Variants in ATP10A observed in about 807,000 individuals in gnomAD.
ATP10A encodes the protein ATPase phospholipid transporting 10A (putative).
ATP10A carries 111 observed loss-of-function variants against 147.8 expected under a neutral mutation model. That is an observed-to-expected ratio of 0.75 (90% CI 0.64 to 0.88). The LOEUF (loss-of-function observed/expected upper bound fraction) is 0.88, where lower values mean the gene tolerates loss of function less well. ATP10A is among the 40% of genes least tolerant of loss of function. ATP10A has a pLI of 0.00. For missense variants in ATP10A, 1,927 were observed against 1,959.0 expected (o/e 0.98, Z 0.31); for synonymous variants, 875 against 841.6 (o/e 1.04, Z -0.69).
At chr15:25,684,487 C>T (rs1235366281) in intron 16 of ATP10A, among the ~76,000 whole-genome samples, 1 of 152,160 alleles carries the variant, frequency 6.6e-6, no homozygotes, top group Non-Finnish European at 1.5e-5. Context: ...TATAGGTGAT[C>T]GCCTACGGTG....
chr15:25,735,131 T>A (rs1438112871), intron 3 of ATP10A, among the ~76,000 whole-genome samples: 1 of 152,074 alleles, frequency 6.6e-6, no homozygotes, highest in African/African-American at 2.4e-5. Flanking sequence ...AGGTGGCCCC[T>A]TGTGCTGCAG....
intron 2 of ATP10A, among the ~76,000 whole-genome samples, chr15:25,779,616 G>A (rs1209559120): frequency 2.0e-5 from 3 of 152,118 alleles, no homozygotes; most frequent in Non-Finnish European, 4.4e-5. Flanking sequence ...GCATCGGATG[G>A]GGCCCACACC....
At chr15:25,802,446 A>C (rs769836519) in intron 1 of ATP10A, among the ~76,000 whole-genome samples, 8 of 151,992 alleles carry the variant, frequency 5.3e-5, no homozygotes, top group Non-Finnish European at 1.2e-4. Flanking sequence ...AGGCCCATGA[A>C]CTCGCTTCCT....
intron 2 of ATP10A, among the ~76,000 whole-genome samples, chr15:25,774,624 C>T (rs953651932): frequency 2.6e-4 from 40 of 151,398 alleles, no homozygotes; most frequent in African/African-American, 9.0e-4. Flanking sequence ...GCTGCACTCT[C>T]TGTACATGGT....
chr15:25,862,891 T>C lies in ATP10A; in HGVS notation c.206A>G (p.Tyr69Cys). ...LADNRLKTTK[Y>C]TLLSFLPKNL... is the part of the protein sequence containing the mutation. Reference sequence around the variant, plus strand: ...CTTGGGCAGGAAGGACAGCAGCGTGTACTTGGTAGTCTTGAGCCGGTTGTC... The same window carrying C: ...CTTGGGCAGGAAGGACAGCAGCGTGCACTTGGTAGTCTTGAGCCGGTTGTC... The change falls in exon 1 of 21, where the codon TAC (tyrosine) becomes TGC (cysteine). Residue 69 changes from tyrosine to cysteine, a missense_variant. Tyr to Cys is a radical substitution (Grantham distance 194, BLOSUM62 -2). Coordinates refer to ENST00000555815, the MANE Select transcript of ATP10A (RefSeq NM_024490.4). 6.2e-7 allele frequency: 1 copy of C among 1,611,900 alleles called. No homozygotes were observed. Among genetic ancestry groups the C allele is most frequent in the Non-Finnish European group, 8.5e-7 (1 of 1,179,352 alleles).
At chr15:25,734,613 C>A (rs1352509732) in intron 3 of ATP10A, among the ~76,000 whole-genome samples, 1 of 152,128 alleles carries the variant, frequency 6.6e-6, no homozygotes, top group Non-Finnish European at 1.5e-5. Flanking sequence ...ACCAGAAAAG[C>A]CACAGCACAC....
At chr15:25,808,983 G>T (rs923714241) in intron 1 of ATP10A, among the ~76,000 whole-genome samples, 1 of 152,170 alleles carries the variant, frequency 6.6e-6, no homozygotes, top group East Asian at 1.9e-4. Context: ...GCGTGGCCAC[G>T]AGATGAAGGT....
At chr15:25,738,927 T>A (rs1486558163) in intron 2 of ATP10A, among the ~76,000 whole-genome samples, 2 of 152,232 alleles carry the variant, frequency 1.3e-5, no homozygotes, top group African/African-American at 2.4e-5. Context: ...AGTGACAGAC[T>A]GGAGCTTTCT....
intron 2 of ATP10A, among the ~76,000 whole-genome samples, chr15:25,747,301 A>G (rs886987723): frequency 4.6e-5 from 7 of 151,606 alleles, no homozygotes; most frequent in African/African-American, 9.7e-5. Context: ...AAAAAAAAAA[A>G]AAAAAGAAAA....
intron 2 of ATP10A, among the ~76,000 whole-genome samples, chr15:25,777,580 C>T (rs1416870064): frequency 6.6e-6 from 1 of 151,946 alleles, no homozygotes. Flanking sequence ...GGGGCAGTGG[C>T]TGTCCCTTCA....
At chr15:25,798,182 T>C (rs1596907428) in intron 1 of ATP10A, among the ~76,000 whole-genome samples, 2 of 152,140 alleles carry the variant, frequency 1.3e-5, no homozygotes, top group East Asian at 3.9e-4. Context: ...ATGAGAGCCC[T>C]GCCCTGGCAG....
chr15:25,786,626 T>C (rs1890173266), intron 1 of ATP10A, among the ~76,000 whole-genome samples: 1 of 115,302 alleles, frequency 8.7e-6, no homozygotes, highest in South Asian at 3.3e-4. Flanking sequence ...TCTTTTTTTT[T>C]TTTTTTTTTT....
chr15:25,718,141 G>A lies in ATP10A; in HGVS notation c.1581+41C>T, dbSNP rs770555887. On this transcript the variant is annotated intron_variant, in intron 8 of 20. Transcript: ENST00000555815. ...AGCGGGGGATGGTGAAAATGGGGAA[G>A]AGACGTGGCAGCACCCTAGCAGGAG... is the stretch of plus-strand genomic sequence containing the variant. 1.6e-5 allele frequency: 25 copies of A among 1,584,460 alleles called. 1 individual carries two copies. The Admixed American group carries it at 3.9e-4, about 25-fold the overall frequency.
At chr15:25,771,658 A>C (rs937275785) in intron 2 of ATP10A, among the ~76,000 whole-genome samples, 1 of 152,104 alleles carries the variant, frequency 6.6e-6, no homozygotes, top group Non-Finnish European at 1.5e-5. Context: ...TCTCACAGGA[A>C]AGTGACCATT....
At chr15:25,708,367 C>T (rs1443140477) in intron 10 of ATP10A, 67 bp from the exon 11 acceptor site, 13 of 1,376,250 alleles carry the variant, frequency 9.4e-6, no homozygotes, top group Admixed American at 3.4e-5. Context: ...TCAGACACTC[C>T]GAGATTTACC....
chr15:25,833,547 T>C (rs942316518), intron 1 of ATP10A, among the ~76,000 whole-genome samples: 1 of 152,110 alleles, frequency 6.6e-6, no homozygotes, highest in Non-Finnish European at 1.5e-5. Flanking sequence ...TGAAAAATTA[T>C]TACAAAATGG....
At chr15:25,798,240 C>T (rs1169051833) in intron 1 of ATP10A, among the ~76,000 whole-genome samples, 1 of 152,106 alleles carries the variant, frequency 6.6e-6, no homozygotes, top group Non-Finnish European at 1.5e-5. Context: ...AACAAGTCTC[C>T]TGGAGGCGAA....
intron 6 of ATP10A, among the ~76,000 whole-genome samples, chr15:25,723,597 A>AT (rs1324748285): frequency 1.4e-4 from 21 of 151,714 alleles, no homozygotes; most frequent in Admixed American, 8.5e-4. Context: ...AATAAAATCT[A>AT]TTTTTTTTAA....
intron 1 of ATP10A, among the ~76,000 whole-genome samples, chr15:25,785,252 T>C (rs943017228): frequency 6.6e-6 from 1 of 151,538 alleles, no homozygotes; most frequent in Non-Finnish European, 1.5e-5. Context: ...GGATTAAAGT[T>C]AGAATGAGGC....
Sources: allele counts gnomAD v4.1 joint callset (sites outside exome capture counted in the v4.1 genomes callset), GRCh38; gene constraint gnomAD v4.1.1; transcripts MANE v1.5; gene names NCBI Gene and HGNC (gene_info 2026-07-23, HGNC 2026-07-21).